The following GPHN variants were observed in gnomAD, a reference collection of about 807,000 sequenced individuals.
The protein encoded by GPHN is gephyrin.
A neutral mutation model predicts 95.5 loss-of-function variants in GPHN; 17 were observed. That is an observed-to-expected ratio of 0.18 (90% CI 0.12 to 0.27). GPHN has a LOEUF of 0.27. Ranked by LOEUF, GPHN falls within the 10% of genes least tolerant of loss-of-function variation. The pLI, the probability that GPHN is intolerant of heterozygous loss-of-function variation, is 1.00. For missense variants in GPHN, 660 were observed against 978.1 expected (o/e 0.67, Z 4.34); for synonymous variants, 320 against 322.5 (o/e 0.99, Z 0.08).
the GPHN span, among the ~76,000 whole-genome samples, chr14:67,365,861 AT>A: frequency 9.9e-5 from 15 of 151,930 alleles, no homozygotes; most frequent in Admixed American, 8.5e-4. Context: ...TGACATTTTA[AT>A]TTTTTTTATT....
the GPHN span, among the ~76,000 whole-genome samples, chr14:67,353,354 G>A: frequency 6.6e-6 from 1 of 152,194 alleles, no homozygotes; most frequent in Admixed American, 6.5e-5. Context: ...TATTGCAGGA[G>A]TGGGTTGGTT....
the GPHN span, chr14:67,580,043 C>T: frequency 1.6e-6 from 1 of 633,726 alleles, no homozygotes; most frequent in South Asian, 2.1e-5. Flanking sequence ...TGTACCTGGG[C>T]AGGGAGAAAA....
the GPHN span, among the ~76,000 whole-genome samples, chr14:67,438,486 A>G: frequency 6.7e-4 from 102 of 152,332 alleles, no homozygotes; most frequent in African/African-American, 2.3e-3. Context: ...GACCTTGGGC[A>G]GGTCACCTCT....
the GPHN span, among the ~76,000 whole-genome samples, chr14:67,377,696 T>C: frequency 4.6e-5 from 7 of 152,310 alleles, no homozygotes; most frequent in African/African-American, 1.4e-4. Context: ...TTTCCCTTTA[T>C]TGCTTTTACT....
the GPHN span, among the ~76,000 whole-genome samples, chr14:67,188,819 C>G: frequency 6.7e-6 from 1 of 148,594 alleles, no homozygotes; most frequent in Admixed American, 6.7e-5. Context: ...CTTTCTTTTT[C>G]TTTTTCTTTC....
chr14:66,945,120 A>G (rs1249467502), intron 8 of GPHN, among the ~76,000 whole-genome samples: 1 of 152,246 alleles, frequency 6.6e-6, no homozygotes, highest in Non-Finnish European at 1.5e-5. Flanking sequence ...TTGTTACACA[A>G]CAGGGATAAT....
At chr14:66,763,920 A>G (rs2058858069) in intron 2 of GPHN, among the ~76,000 whole-genome samples, 4 of 152,166 alleles carry the variant, frequency 2.6e-5, no homozygotes. Context: ...TGCACATGTG[A>G]GGGACCTACA....
chr14:66,533,857 A>G (rs1303474269), intron 1 of GPHN, among the ~76,000 whole-genome samples: 2 of 152,198 alleles, frequency 1.3e-5, no homozygotes, highest in South Asian at 4.1e-4. Flanking sequence ...TCAGTTTTTA[A>G]AATTAAGCAG....
chr14:66,973,929 A>T, intron 9 of GPHN, among the ~76,000 whole-genome samples: 1 of 152,240 alleles, frequency 6.6e-6, no homozygotes, highest in Non-Finnish European at 1.5e-5. Flanking sequence ...TCAGATCAAC[A>T]TTGCTGGCCC....
Position 67,110,263 on chromosome 14 carries a change from C to T in GPHN, c.1413+4C>T, listed in dbSNP as rs759514847. 6.2e-6 allele frequency: 10 copies of T among 1,613,034 alleles called. No homozygotes were observed. The highest frequency in any genetic ancestry group is 2.2e-5 in the East Asian group (1 of 44,886). ...ACTTATCAGGGAATCAGATGATGTA[C>T]GTCATCACCAAGTCTTACTGTGCTG... On this transcript the variant is annotated splice_donor_region_variant and intron_variant, in intron 14 of 22. Coordinates refer to ENST00000478722, the MANE Select transcript of GPHN (RefSeq NM_020806.5).
At chr14:67,331,383 A>T in the GPHN span, among the ~76,000 whole-genome samples, 2 of 152,056 alleles carry the variant, frequency 1.3e-5, no homozygotes, top group Non-Finnish European at 2.9e-5. Context: ...TCAATGATAG[A>T]AGTGCTGAAG....
At chr14:67,651,395 C>G in the GPHN span, 1 of 1,613,680 alleles carries the variant, frequency 6.2e-7, no homozygotes. Flanking sequence ...TCAATGGCTG[C>G]GAAAGAATTT....
At chr14:67,524,324 G>A in the GPHN span, among the ~76,000 whole-genome samples, 23 of 152,188 alleles carry the variant, frequency 1.5e-4, no homozygotes, top group African/African-American at 2.2e-4. Flanking sequence ...AATCCCTGTC[G>A]TAACTGCTAA....
intron 1 of GPHN, among the ~76,000 whole-genome samples, chr14:66,565,708 C>G (rs1251650479): frequency 6.6e-6 from 1 of 152,104 alleles, no homozygotes; most frequent in African/African-American, 2.4e-5. Flanking sequence ...CTGTCCTAAT[C>G]ACAGTTATTA....
At chr14:67,482,992 G>A in the GPHN span, among the ~76,000 whole-genome samples, 1 of 152,172 alleles carries the variant, frequency 6.6e-6, no homozygotes, top group African/African-American at 2.4e-5. Flanking sequence ...GAGGCAGAAA[G>A]AGGCTACGTT....
At chr14:66,963,172 C>T (rs998902462) in intron 8 of GPHN, among the ~76,000 whole-genome samples, 7 of 152,078 alleles carry the variant, frequency 4.6e-5, no homozygotes, top group Admixed American at 6.6e-5. Flanking sequence ...CTAACTTTTT[C>T]CTGAGTTCCA....
intron 8 of GPHN, among the ~76,000 whole-genome samples, chr14:66,929,887 AT>A (rs1456022053): frequency 6.6e-6 from 1 of 150,968 alleles, no homozygotes; most frequent in South Asian, 2.1e-4. Context: ...AATTTTTTGT[AT>A]TTTTAGTAGA....
the GPHN span, among the ~76,000 whole-genome samples, chr14:67,462,624 G>T: frequency 6.6e-6 from 1 of 152,212 alleles, no homozygotes; most frequent in Non-Finnish European, 1.5e-5. Flanking sequence ...GATTGCAGGC[G>T]TGAGCCACCA....
intron 2 of GPHN, among the ~76,000 whole-genome samples, chr14:66,735,532 T>G (rs2072185051): frequency 6.6e-6 from 1 of 152,202 alleles, no homozygotes; most frequent in African/African-American, 2.4e-5. Flanking sequence ...TATCTATTAT[T>G]TAACAGCTAC....
Sources: gnomAD v4.1 joint callset for allele counts (sites outside exome capture counted in the v4.1 genomes callset) on GRCh38, gnomAD v4.1.1 for gene constraint, MANE v1.5 for transcripts, NCBI Gene and HGNC (gene_info 2026-07-23, HGNC 2026-07-21) for gene names.